Variants in USH2A observed in about 807,000 individuals in gnomAD.
USH2A encodes the protein Usher syndrome 2A (autosomal recessive, mild).
USH2A carries 443 observed loss-of-function variants against 538.9 expected under a neutral mutation model. That is an observed-to-expected ratio of 0.82 (90% CI 0.76 to 0.89). The LOEUF is 0.89. Among genes scored for constraint, USH2A ranks in the 40% least tolerant of loss-of-function variants. USH2A has a pLI of 0.00. For missense variants in USH2A, 6,633 were observed against 6,324.8 expected, an observed-to-expected ratio of 1.05 and a Z score of -1.65; for synonymous variants, 2,413 against 2,273.5, an observed-to-expected ratio of 1.06 and a Z score of -1.75.
At position 215,965,107 on chromosome 1, in the gene USH2A, A is replaced by G. The variant is rs111727548; in HGVS notation, c.7120+210T>C. On this transcript the variant is annotated intron_variant, in intron 37 of 71. Coordinates refer to ENST00000307340, the MANE Select transcript of USH2A (RefSeq NM_206933.4). Reference sequence around the variant, plus strand: ...AGAAGCTCTACAACGTACATTTCTAAGCGTTCATCAGATGTGGCTGTTGCT... The same window carrying G: ...AGAAGCTCTACAACGTACATTTCTAGGCGTTCATCAGATGTGGCTGTTGCT... Among the ~76,000 whole-genome samples the G allele has an allele frequency of 6.0e-3, 910 of 152,260 alleles. 12 individuals are homozygous for G. The highest frequency in any genetic ancestry group is 0.021 in the African/African-American group (865 of 41,542).
intron 13 of USH2A, among the ~76,000 whole-genome samples, chr1:216,236,867 T>C (rs996723137): frequency 1.3e-5 from 2 of 152,196 alleles, no homozygotes; most frequent in Admixed American, 6.5e-5. Flanking sequence ...GAATTTTCTG[T>C]TTCATAAATA....
intron 21 of USH2A, among the ~76,000 whole-genome samples, chr1:216,105,974 T>G (rs1360590259): frequency 1.3e-5 from 2 of 151,584 alleles, no homozygotes; most frequent in African/African-American, 4.8e-5. Flanking sequence ...GTTTTAACAC[T>G]TTTTCAAAGA....
intron 4 of USH2A, among the ~76,000 whole-genome samples, chr1:216,356,287 A>G (rs2038390950): frequency 6.6e-6 from 1 of 152,246 alleles, no homozygotes; most frequent in South Asian, 2.1e-4. Flanking sequence ...TACTATACAA[A>G]TTAGGTGTCT....
At chr1:216,033,470 G>A (rs1669174914) in intron 32 of USH2A, among the ~76,000 whole-genome samples, 1 of 152,280 alleles carries the variant, frequency 6.6e-6, no homozygotes, top group Admixed American at 6.5e-5. Flanking sequence ...AAGGCATGTG[G>A]TATTTCACAA....
intron 70 of USH2A, among the ~76,000 whole-genome samples, chr1:215,629,512 G>C (rs1443791545): frequency 1.3e-5 from 2 of 152,132 alleles, no homozygotes; most frequent in Non-Finnish European, 2.9e-5. Context: ...AGCTCCGTTT[G>C]TCTTTCACTT....
intron 40 of USH2A, among the ~76,000 whole-genome samples, chr1:215,897,157 T>C (rs1284830297): frequency 6.6e-6 from 1 of 152,166 alleles, no homozygotes; most frequent in Non-Finnish European, 1.5e-5. Flanking sequence ...CTGTAGCTCA[T>C]TGCCTGCCTA....
chr1:215,768,490 T>C lies in USH2A; in HGVS notation c.10940-1702A>G, dbSNP rs984992416. ...CTTTGTATTTTTTTTATCAACTTAG[T>C]GATAAGATGCAGGCACTTATTTGAT... On this transcript the variant is annotated intron_variant, in intron 55 of 71. Transcript: ENST00000307340. Among the ~76,000 whole-genome samples, 6 of 152,194 alleles carry C rather than the reference T, an allele frequency of 3.9e-5. No homozygotes were observed. In the South Asian group the frequency reaches 1.2e-3, roughly 31 times the overall value.
chr1:215,810,793 T>G (rs533607941), intron 49 of USH2A, among the ~76,000 whole-genome samples: 1 of 152,292 alleles, frequency 6.6e-6, no homozygotes, highest in Non-Finnish European at 1.5e-5. Flanking sequence ...ATGAAGAAGT[T>G]TAACAGTTTT....
intron 61 of USH2A, among the ~76,000 whole-genome samples, chr1:215,685,719 A>C (rs903512395): frequency 2.0e-5 from 3 of 152,020 alleles, no homozygotes; most frequent in Admixed American, 1.3e-4. Context: ...TTAGGCAAAT[A>C]TCAAACTTGA....
At chr1:215,781,299 C>T (rs1661628627) in intron 54 of USH2A, among the ~76,000 whole-genome samples, 1 of 152,202 alleles carries the variant, frequency 6.6e-6, no homozygotes, top group Non-Finnish European at 1.5e-5. Context: ...ACCCTGCTAT[C>T]TGATCCTTCT....
intron 64 of USH2A, among the ~76,000 whole-genome samples, chr1:215,656,442 C>T (rs1042834345): frequency 6.6e-6 from 1 of 152,306 alleles, no homozygotes; most frequent in South Asian, 2.1e-4. Flanking sequence ...GTATATGGGT[C>T]AGCACCAAGC....
chr1:215,959,113 C>G (rs1254702569), intron 37 of USH2A, among the ~76,000 whole-genome samples: 2 of 151,982 alleles, frequency 1.3e-5, no homozygotes. Context: ...CTCTTGTGAG[C>G]TATTTTTTAT....
Position 215,786,490 on chromosome 1 carries a change from G to C in USH2A, c.10387+180C>G, listed in dbSNP as rs540343984. On this transcript the variant is annotated intron_variant, in intron 52 of 71. Transcript: ENST00000307340. ...AGACTTTAACACATTTTAAAGTACT[G>C]ACTTTGAATACATCCAGATTATGCC... Among the ~76,000 whole-genome samples, 3 of 152,292 alleles carry C rather than the reference G, an allele frequency of 2.0e-5. No individual in the cohort carries two copies. The South Asian group carries it at 6.2e-4, about 32-fold the overall frequency.
rs775703386 is a variant in USH2A, at chr1:215,970,779, G to A, written c.6806-3C>T. 1.2e-6 allele frequency: 2 copies of A among 1,613,108 alleles called. No homozygotes were observed. Among genetic ancestry groups the A allele is most frequent in the Admixed American group, 1.7e-5 (1 of 59,932 alleles). On this transcript the variant is annotated splice_region_variant and splice_polypyrimidine_tract_variant and intron_variant, in intron 35 of 71. Transcript: ENST00000307340. ...TAATCCATAACTCGTGATAACACCT[G>A]GGAAGATAATAATTGCCTTTCAGTA...
intron 38 of USH2A, among the ~76,000 whole-genome samples, chr1:215,921,897 T>C (rs1366487052): frequency 1.3e-5 from 2 of 152,082 alleles, no homozygotes; most frequent in African/African-American, 4.8e-5. Flanking sequence ...AATGCTATCT[T>C]GGTATGAGTG....
In USH2A at chr1:215,817,145, A is replaced by G; in HGVS notation, c.9422T>C (p.Leu3141Pro). ...TGTTTTCCATAGGAGATCATATCCA[A>G]GAATGATGCCATTTGGCTTCCGTGG... ...VSPRKPNGII[L>P]GYDLLWKTWY... Residue 3141 changes from leucine (L) to proline (P), a missense_variant, in exon 48 of 72, where the codon CTT (leucine) becomes CCT (proline). Physicochemically the swap from Leu to Pro is moderately conservative, Grantham distance 98 (BLOSUM62 -3). Transcript: ENST00000307340. 1.2e-6 allele frequency: 2 copies of G among 1,612,848 alleles called. No individual in the cohort carries two copies. The highest frequency in any genetic ancestry group is 1.7e-6 in the Non-Finnish European group (2 of 1,179,066).
At chr1:215,656,877 T>A (rs1436172548) in intron 64 of USH2A, among the ~76,000 whole-genome samples, 1 of 152,206 alleles carries the variant, frequency 6.6e-6, no homozygotes. Flanking sequence ...ACAATTCACA[T>A]CAGAAATAAA....
chr1:216,395,299 A>AACTTTAAGT (rs1355368701), intron 3 of USH2A, among the ~76,000 whole-genome samples: 2 of 152,192 alleles, frequency 1.3e-5, no homozygotes, highest in African/African-American at 4.8e-5. Context: ...TCCTTTAAGT[A>AACTTTAAGT]ACTTAACATT....
chr1:216,058,542 G>A (rs188874350), intron 30 of USH2A, among the ~76,000 whole-genome samples: 1 of 148,524 alleles, frequency 6.7e-6, no homozygotes, highest in Admixed American at 6.7e-5. Context: ...AATATGTAGT[G>A]GTTGGGTTCT....
Sources: allele counts gnomAD v4.1 joint callset (sites outside exome capture counted in the v4.1 genomes callset), GRCh38; gene constraint gnomAD v4.1.1; transcripts MANE v1.5; gene names NCBI Gene and HGNC (gene_info 2026-07-23, HGNC 2026-07-21).